CBLB: variants seen among roughly 807,000 people sequenced by gnomAD.
CBLB encodes Cbl proto-oncogene B.
CBLB carries 31 observed loss-of-function variants against 104.9 expected under a neutral mutation model. That is an observed-to-expected ratio of 0.30 (90% CI 0.22 to 0.40). CBLB has a LOEUF of 0.40. Ranked by LOEUF, CBLB falls within the 10% of genes least tolerant of loss-of-function variation. The probability of loss-of-function intolerance (pLI) is 1.00; values close to 1 mark genes in which losing one functional copy is unlikely to be tolerated. For missense variants in CBLB, 1,062 were observed against 1,214.6 expected (o/e 0.87, Z 1.87); for synonymous variants, 440 against 422.6 (o/e 1.04, Z -0.51).
At chr3:105,765,965 T>C (rs1209333683) in intron 4 of CBLB, among the ~76,000 whole-genome samples, 1 of 152,110 alleles carries the variant, frequency 6.6e-6, no homozygotes, top group Non-Finnish European at 1.5e-5. Flanking sequence ...GCAAAGAAAA[T>C]TCAAAACCTC....
chr3:105,832,408 T>A (rs928719521), intron 3 of CBLB, among the ~76,000 whole-genome samples: 1 of 152,240 alleles, frequency 6.6e-6, no homozygotes, highest in African/African-American at 2.4e-5. Context: ...ACTCTGATAC[T>A]TCAGTTATAT....
chr3:105,665,454 CACAT>C (rs1559735464), intron 18 of CBLB, among the ~76,000 whole-genome samples: 2 of 140,146 alleles, frequency 1.4e-5, no homozygotes, highest in Admixed American at 7.1e-5. Context: ...CACACACACA[CACAT>C]ATATATACAC....
chr3:105,670,386 A>AT, intron 17 of CBLB, 34 bp from the exon 18 acceptor site: 1 of 1,585,446 alleles, frequency 6.3e-7, no homozygotes, highest in Admixed American at 1.7e-5. Flanking sequence ...AATTAAAAGG[A>AT]TGATCTCTGT....
chr3:105,735,162 G>C (rs1384599925), intron 8 of CBLB, among the ~76,000 whole-genome samples: 1 of 152,060 alleles, frequency 6.6e-6, no homozygotes, highest in African/African-American at 2.4e-5. Flanking sequence ...TATAATCCTG[G>C]TGAGAAAAAT....
intron 4 of CBLB, among the ~76,000 whole-genome samples, chr3:105,770,076 A>T (rs1015746681): frequency 1.3e-5 from 2 of 150,512 alleles, no homozygotes; most frequent in Non-Finnish European, 3.0e-5. Flanking sequence ...CTCAATGCTA[A>T]TTTTTGTTTT....
chr3:105,850,606 T>C (rs1212446257), intron 3 of CBLB, among the ~76,000 whole-genome samples: 1 of 152,188 alleles, frequency 6.6e-6, no homozygotes, highest in Admixed American at 6.5e-5. Flanking sequence ...TCATTTTCCT[T>C]ATTTTGTTTA....
intron 3 of CBLB, among the ~76,000 whole-genome samples, chr3:105,851,939 G>T (rs890953725): frequency 6.6e-6 from 1 of 152,114 alleles, no homozygotes; most frequent in African/African-American, 2.4e-5. Flanking sequence ...TTACATGTTT[G>T]TGGTGATGCT....
At chr3:105,823,111 A>T (rs1270045769) in intron 3 of CBLB, among the ~76,000 whole-genome samples, 1 of 152,204 alleles carries the variant, frequency 6.6e-6, no homozygotes, top group East Asian at 1.9e-4. Flanking sequence ...CAGAAGGTTT[A>T]AACAGCTTTA....
intron 10 of CBLB, among the ~76,000 whole-genome samples, chr3:105,717,471 A>T (rs1244012031): frequency 6.6e-6 from 1 of 152,228 alleles, no homozygotes; most frequent in East Asian, 1.9e-4. Flanking sequence ...TGTAAAATCA[A>T]GGACATTTTG....
chr3:105,865,845 T>C (rs1369908907), intron 2 of CBLB, among the ~76,000 whole-genome samples: 1 of 152,160 alleles, frequency 6.6e-6, no homozygotes, highest in Non-Finnish European at 1.5e-5. Flanking sequence ...AGCAGATAAG[T>C]TAGAGAAAAA....
chr3:105,757,757 T>C (rs1360405454), intron 4 of CBLB, among the ~76,000 whole-genome samples: 1 of 152,218 alleles, frequency 6.6e-6, no homozygotes, highest in Non-Finnish European at 1.5e-5. Context: ...TTGGTTTGTT[T>C]TGTTGCTGTG....
intron 3 of CBLB, among the ~76,000 whole-genome samples, chr3:105,850,383 C>T (rs1196478517): frequency 6.6e-6 from 1 of 151,916 alleles, no homozygotes; most frequent in African/African-American, 2.4e-5. Context: ...GTTTTTCTGA[C>T]CTGAAAGAAA....
intron 10 of CBLB, among the ~76,000 whole-genome samples, chr3:105,711,458 T>C (rs2071065544): frequency 2.0e-5 from 3 of 152,084 alleles, no homozygotes. Flanking sequence ...TAGTAGCCTA[T>C]ACAGAATATT....
Position 105,780,235 on chromosome 3 carries a change from A to C in CBLB, c.420-3693T>G, listed in dbSNP as rs1420839580. 2.6e-5 allele frequency among the ~76,000 whole-genome samples: 4 copies of C among 152,160 alleles called. No homozygotes were observed. The East Asian group carries it at 7.7e-4, about 29-fold the overall frequency. ...TACAGTCATCTCTAACCATCTAGACATAGGGAGAAGAAAAGAAACAATCAC... is the reference window on the plus strand; with the variant it reads ...TACAGTCATCTCTAACCATCTAGACCTAGGGAGAAGAAAAGAAACAATCAC... On this transcript the variant is annotated intron_variant, in intron 3 of 18. Coordinates refer to ENST00000394030, the MANE Select transcript of CBLB (RefSeq NM_170662.5).
upstream of CBLB, chr3:105,869,369 G>T: frequency 4.5e-6 from 6 of 1,342,940 alleles, no homozygotes; most frequent in Non-Finnish European, 5.9e-6. Flanking sequence ...GTGAGCGTCG[G>T]GACCGGGAGC....
At chr3:105,728,634 A>G (rs1041916605) in intron 9 of CBLB, among the ~76,000 whole-genome samples, 1 of 152,130 alleles carries the variant, frequency 6.6e-6, no homozygotes, top group African/African-American at 2.4e-5. Flanking sequence ...GTGAAAGACA[A>G]CTCTCCAAGT....
intron 16 of CBLB, 43 bp from the exon 17 acceptor site, chr3:105,678,614 A>G: frequency 6.3e-7 from 1 of 1,582,954 alleles, no homozygotes; most frequent in South Asian, 1.1e-5. Context: ...GAACTTCATT[A>G]ATCAAAATAC....
chr3:105,682,693 G>A (rs973355920), intron 14 of CBLB, among the ~76,000 whole-genome samples: 5 of 152,034 alleles, frequency 3.3e-5, no homozygotes, highest in Non-Finnish European at 5.9e-5. Flanking sequence ...TTTTTTAGTA[G>A]GGTTTTGCCA....
chr3:105,811,271 T>C (rs957947989), intron 3 of CBLB, among the ~76,000 whole-genome samples: 4 of 152,218 alleles, frequency 2.6e-5, no homozygotes, highest in African/African-American at 7.2e-5. Flanking sequence ...TATCTTTCAA[T>C]ATTGTAGGAT....
Sources: allele counts gnomAD v4.1 joint callset (sites outside exome capture counted in the v4.1 genomes callset), GRCh38; gene constraint gnomAD v4.1.1; transcripts MANE v1.5; gene names NCBI Gene and HGNC (gene_info 2026-07-23, HGNC 2026-07-21).